TAS1R2: variants seen among roughly 807,000 people sequenced by gnomAD.
The protein encoded by TAS1R2 is taste 1 receptor member 2.
TAS1R2 carries 47 observed loss-of-function variants against 49.3 expected under a neutral mutation model. That is an observed-to-expected ratio of 0.95 (90% CI 0.75 to 1.22). TAS1R2 has a LOEUF of 1.22. TAS1R2 is among the 50% of genes most tolerant of loss of function. The pLI is 0.00. For missense variants in TAS1R2, 1,155 were observed against 1,122.1 expected (o/e 1.03, Z -0.42); for synonymous variants, 479 against 467.9 (o/e 1.02, Z -0.31).
chr1:18,841,541 G>A (rs1557595202), intron 5 of TAS1R2, among the ~76,000 whole-genome samples, 188 bp downstream of exon 5: 1 of 151,890 alleles, frequency 6.6e-6, no homozygotes. Context: ...CTGTATGGAG[G>A]ATTTTGCTCT....
chr1:18,851,488 C>G (rs1006713178), intron 3 of TAS1R2, among the ~76,000 whole-genome samples: 1 of 152,116 alleles, frequency 6.6e-6, no homozygotes, highest in African/African-American at 2.4e-5. Flanking sequence ...CTCCACTATG[C>G]CCAGCTAATT....
At chr1:18,859,383 C>A (rs1557601361) in intron 1 of TAS1R2, 96 bp downstream of exon 1, 4 of 1,453,098 alleles carry the variant, frequency 2.8e-6, no homozygotes, top group Non-Finnish European at 3.8e-6. Context: ...TGCTTTAAGC[C>A]CTTGGTCCTG....
chr1:18,859,406 A>G (rs1484316523), intron 1 of TAS1R2, 73 bp downstream of exon 1: 4 of 1,568,812 alleles, frequency 2.5e-6, no homozygotes, highest in Non-Finnish European at 3.5e-6. Flanking sequence ...CTGGCTCCCA[A>G]GGACCCACAG....
exon 5 of TAS1R2, chr1:18,841,740 T>C: frequency 6.2e-7 from 1 of 1,613,580 alleles, no homozygotes; most frequent in East Asian, 2.2e-5. Context: ...TTCAGTGTGG[T>C]TGAGGAAGGT....
At position 18,854,815 on chromosome 1, in the gene TAS1R2, T is replaced by C; in HGVS notation, c.655A>G (p.Asn219Asp). 2.5e-6 allele frequency: 4 copies of C among 1,607,086 alleles called. No individual in the cohort carries two copies. Among genetic ancestry groups the C allele is most frequent in the Non-Finnish European group, 3.4e-6 (4 of 1,179,184 alleles). The stretch of plus-strand genomic sequence containing the variant: ...ACGCGCTCGCCAAGCAGCTGGCCAT[T>C]GTCGCGGCCATAGGTGTCGCTGCTC... Residue 219 changes from asparagine (N) to aspartate (D), a missense_variant, in exon 3 of 6, where the codon AAT (asparagine) becomes GAT (aspartate). By Grantham distance (23) the Asn-to-Asp change is conservative. Transcript: ENST00000375371. The surrounding 1 kb of genome is among the most constrained non-coding windows in gnomAD (Gnocchi z 4.9).
Position 18,854,733 on chromosome 1 carries a change from TTGGGCTG to T in TAS1R2, c.730_736del (p.Gln244ThrfsTer4). On this transcript the variant is annotated frameshift_variant, in exon 3 of 6. Transcript: ENST00000375371. LOFTEE classifies it high-confidence loss of function. The surrounding 1 kb of genome is among the most constrained non-coding windows in gnomAD (Gnocchi z 4.9). ...GCGCTCCTCTGACGTCATGTTCTGG[TTGGGCTG>T]CAGTGTGGGCAGCGTCTCCTGGAAG... The T allele has an allele frequency of 6.2e-7, 1 of 1,612,520 alleles. No individual in the cohort carries two copies. Among genetic ancestry groups the T allele is most frequent in the East Asian group, 2.2e-5 (1 of 44,856 alleles).
chr1:18,839,731 A>C (rs1216892391), exon 6 of TAS1R2: 1 of 1,614,126 alleles, frequency 6.2e-7, no homozygotes, highest in African/African-American at 1.3e-5. Context: ...GGTTGAGCAC[A>C]GTGACCAAGA....
chr1:18,855,097 C>T (rs897124976), intron 2 of TAS1R2, 111 bp from the exon 3 acceptor site: 14 of 1,373,830 alleles, frequency 1.0e-5, no homozygotes, highest in Middle Eastern at 2.2e-4. Context: ...CAAGCCACCC[C>T]AGGGGTAGGT....
At chr1:18,843,592 A>G (rs957809074) in intron 4 of TAS1R2, among the ~76,000 whole-genome samples, 1 of 152,220 alleles carries the variant, frequency 6.6e-6, no homozygotes, top group Non-Finnish European at 1.5e-5. Flanking sequence ...ACTCTGAAGA[A>G]GGCCCTGGCT....
intron 4 of TAS1R2, among the ~76,000 whole-genome samples, chr1:18,847,528 G>A (rs1933942121): frequency 6.9e-6 from 1 of 144,116 alleles, no homozygotes; most frequent in African/African-American, 2.6e-5. Flanking sequence ...GGGACTGGGG[G>A]GAAGAGGGTG....
In TAS1R2 at chr1:18,840,084, A is replaced by C. The variant is rs1199553808; in HGVS notation, c.2035T>G (p.Tyr679Asp). The change falls in exon 6 of 6, where the codon TAC becomes GAC. Residue 679 changes from tyrosine to aspartate, a missense_variant. Tyr to Asp is a radical substitution (Grantham distance 160). Coordinates refer to ENST00000375371, the Ensembl canonical transcript of TAS1R2. ...ACCGTGATAAATGCCATAGAGACGTAGGGCCCCTGGTAGCGGACCCAGTAG... is the reference window on the plus strand; with the variant it reads ...ACCGTGATAAATGCCATAGAGACGTCGGGCCCCTGGTAGCGGACCCAGTAG... 1 of 1,614,268 alleles carries C rather than the reference A, an allele frequency of 6.2e-7. No homozygotes were observed. Among genetic ancestry groups the C allele is most frequent in the Non-Finnish European group, 8.5e-7 (1 of 1,180,046 alleles).
At chr1:18,849,263 G>A (rs1933976343) in intron 4 of TAS1R2, 78 bp downstream of exon 4, 1 of 1,485,666 alleles carries the variant, frequency 6.7e-7, no homozygotes, top group African/African-American at 1.4e-5. Flanking sequence ...TGTCCCTAAT[G>A]AAAAGGGCCC....
At chr1:18,845,603 T>A (rs1044177667) in intron 4 of TAS1R2, among the ~76,000 whole-genome samples, 8 of 152,242 alleles carry the variant, frequency 5.3e-5, no homozygotes, top group Non-Finnish European at 8.8e-5. Flanking sequence ...GGGTTCCTCA[T>A]GCCAGTGAAT....
intron 4 of TAS1R2, among the ~76,000 whole-genome samples, chr1:18,847,537 T>C (rs1171588413): frequency 7.6e-6 from 1 of 131,070 alleles, no homozygotes; most frequent in African/African-American, 2.9e-5. Flanking sequence ...GGGAAGAGGG[T>C]GCAGGCTATT....
In TAS1R2 at chr1:18,854,593, A is replaced by C; in HGVS notation, c.877T>G (p.Phe293Val). ...GAGGCGATCCACACGGCGCCAGTGA[A>C]GTTCTGGCGCAGCACCTCATTGAAG... The change falls in exon 3 of 6, where the codon TTC (phenylalanine) becomes GTC (valine). Residue 293 changes from phenylalanine (F) to valine (V), a missense_variant. Phe to Val is a conservative substitution (Grantham distance 50). Coordinates refer to ENST00000375371, the Ensembl canonical transcript of TAS1R2. This position sits in a 1 kb window ranked among gnomAD's most constrained non-coding sequence, Gnocchi z 4.9. The C allele has an allele frequency of 1.2e-6, 2 of 1,613,966 alleles. No homozygotes were observed. Among genetic ancestry groups the C allele is most frequent in the Non-Finnish European group, 8.5e-7 (1 of 1,179,910 alleles).
rs545263248 is a variant in TAS1R2, at chr1:18,849,271, C to T, written c.1467+70G>A. 1.1e-4 allele frequency: 172 copies of T among 1,534,820 alleles called. 1 individual carries two copies. In the African/African-American group the frequency reaches 2.1e-3, roughly 19 times the overall value. On this transcript the variant is annotated intron_variant, in intron 4 of 5. Transcript: ENST00000375371. ...CAGGCTCTGTCCCTAATGAAAAGGGCCCTAGCCACTCCAGCAAGGGCCCCA... is the reference window on the plus strand; with the variant it reads ...CAGGCTCTGTCCCTAATGAAAAGGGTCCTAGCCACTCCAGCAAGGGCCCCA...
intron 3 of TAS1R2, among the ~76,000 whole-genome samples, chr1:18,851,577 C>T (rs1934025929): frequency 6.6e-6 from 1 of 152,114 alleles, no homozygotes; most frequent in Non-Finnish European, 1.5e-5. Context: ...GATTCATCTG[C>T]CTCGGCCTGC....
chr1:18,847,743 C>A (rs1240380345), intron 4 of TAS1R2, among the ~76,000 whole-genome samples: 1 of 152,146 alleles, frequency 6.6e-6, no homozygotes, highest in Non-Finnish European at 1.5e-5. Context: ...CAAACTAAAA[C>A]AAGAGTATCC....
chr1:18,858,363 GCCATCATCACCAACACCATCACCA>G (rs1934179451), intron 1 of TAS1R2: 1 of 133,258 alleles, frequency 7.5e-6, no homozygotes, highest in African/African-American at 2.9e-5. Flanking sequence ...CACTACCATC[GCCATCATCACCAACACCATCACCA>G]CCATCAGCAC....
Sources: allele counts gnomAD v4.1 joint callset (sites outside exome capture counted in the v4.1 genomes callset), GRCh38; gene constraint gnomAD v4.1.1; non-coding constraint Gnocchi (gnomAD v3.1); transcripts MANE v1.5; gene names NCBI Gene and HGNC (gene_info 2026-07-23, HGNC 2026-07-21).